Variants in ARHGEF10L observed in about 807,000 individuals in gnomAD.
The protein encoded by ARHGEF10L is rho guanine nucleotide exchange factor 10-like protein.
ARHGEF10L carries 69 observed loss-of-function variants against 141.2 expected under a neutral mutation model. The observed-to-expected ratio is 0.49, with a 90% confidence interval of 0.40 to 0.60. The LOEUF is 0.60. Ranked by LOEUF, ARHGEF10L falls within the 20% of genes least tolerant of loss-of-function variation. The probability of loss-of-function intolerance (pLI) is 0.00; values close to 1 mark genes in which losing one functional copy is unlikely to be tolerated. For synonymous variants in ARHGEF10L, 711 were observed against 718.5 expected (o/e 0.99, Z 0.17); for missense variants, 1,482 against 1,734.3 (o/e 0.85, Z 2.58).
chr1:17,522,852 A>G, the ARHGEF10L span, among the ~76,000 whole-genome samples: 1 of 152,090 alleles, frequency 6.6e-6, no homozygotes, highest in African/African-American at 2.4e-5. Flanking sequence ...TCTCCAGGGC[A>G]GTCATGGGAA....
intron 5 of ARHGEF10L, 77 bp downstream of exon 5, chr1:17,602,295 G>A: frequency 6.8e-7 from 1 of 1,474,354 alleles, no homozygotes; most frequent in Non-Finnish European, 9.2e-7. Context: ...ACCCAAGAGA[G>A]CTGATGTGGG....
At chr1:17,522,927 C>A in the ARHGEF10L span, among the ~76,000 whole-genome samples, 7 of 152,136 alleles carry the variant, frequency 4.6e-5, no homozygotes, top group South Asian at 1.2e-3. Flanking sequence ...CTAATCACAG[C>A]AATATTGACC....
chr1:17,679,236 G>A (rs1181778548), intron 26 of ARHGEF10L, among the ~76,000 whole-genome samples: 3 of 152,172 alleles, frequency 2.0e-5, no homozygotes, highest in Non-Finnish European at 4.4e-5. Flanking sequence ...TGGACTGGTC[G>A]TTGCACCCGG....
intron 1 of ARHGEF10L, among the ~76,000 whole-genome samples, chr1:17,554,983 A>G (rs2077253169): frequency 6.6e-6 from 1 of 152,174 alleles, no homozygotes; most frequent in Non-Finnish European, 1.5e-5. Flanking sequence ...AACAGCAACA[A>G]TAATAAAGGA....
At chr1:17,634,220 C>A in intron 16 of ARHGEF10L, 1 of 476,930 alleles carries the variant, frequency 2.1e-6, no homozygotes, top group South Asian at 2.6e-5. Flanking sequence ...GTTGCTCTAG[C>A]GCAAAGTGCA....
chr1:17,579,898 G>C (rs886158614), intron 1 of ARHGEF10L, among the ~76,000 whole-genome samples: 14 of 152,240 alleles, frequency 9.2e-5, no homozygotes, highest in Non-Finnish European at 2.1e-4. Context: ...GGGGAGGGCG[G>C]TGCCACCTTG....
At chr1:17,533,999 T>C in the ARHGEF10L span, among the ~76,000 whole-genome samples, 13 of 152,186 alleles carry the variant, frequency 8.5e-5, no homozygotes, top group African/African-American at 2.4e-4. Context: ...TCTTGCTATG[T>C]CTCTCAGGCT....
intron 16 of ARHGEF10L, 160 bp from the exon 17 acceptor site, chr1:17,634,388 C>T (rs1427774046): frequency 8.4e-7 from 1 of 1,186,364 alleles, no homozygotes; most frequent in Non-Finnish European, 1.2e-6. Flanking sequence ...CCGCTTCTGT[C>T]CACACCTGGC....
At chr1:17,650,835 G>A (rs1262166243) in intron 22 of ARHGEF10L, among the ~76,000 whole-genome samples, 2 of 152,112 alleles carry the variant, frequency 1.3e-5, no homozygotes, top group African/African-American at 4.8e-5. Flanking sequence ...CGGAGGCCAG[G>A]GCTGTGACTG....
chr1:17,594,571 C>A (rs1300423542), intron 4 of ARHGEF10L, among the ~76,000 whole-genome samples: 1 of 152,114 alleles, frequency 6.6e-6, no homozygotes, highest in Non-Finnish European at 1.5e-5. Flanking sequence ...TCTGCTCTGC[C>A]CCCTGGGTTC....
At chr1:17,596,833 C>G (rs959390296) in intron 4 of ARHGEF10L, among the ~76,000 whole-genome samples, 1 of 152,174 alleles carries the variant, frequency 6.6e-6, no homozygotes, top group Non-Finnish European at 1.5e-5. Context: ...AGGTGGGTCA[C>G]CTGAGGTCAG....
At chr1:17,597,979 T>C (rs754741588) in intron 4 of ARHGEF10L, among the ~76,000 whole-genome samples, 1 of 152,256 alleles carries the variant, frequency 6.6e-6, no homozygotes, top group Non-Finnish European at 1.5e-5. Context: ...AACTGCATTC[T>C]TTCGGTTAAA....
chr1:17,536,775 C>T (rs1256358072), upstream of ARHGEF10L, among the ~76,000 whole-genome samples: 2 of 152,138 alleles, frequency 1.3e-5, no homozygotes, highest in Non-Finnish European at 2.9e-5. Flanking sequence ...TCTAAAGGGC[C>T]ACCACTCCTG....
chr1:17,561,894 A>G (rs1237453122), intron 1 of ARHGEF10L, among the ~76,000 whole-genome samples: 5 of 152,158 alleles, frequency 3.3e-5, no homozygotes, highest in Admixed American at 3.3e-4. Context: ...CAGCTGCTCA[A>G]TCGGGAAGGT....
rs750266739 is a variant in ARHGEF10L at position 17,656,735 on chromosome 1, G to A, written c.2860+27G>A. ...TGAGGACTGGGGGGAATGGGGGAAG[G>A]GGGGCAGTCCTGGATGCCAGCTGGG... On this transcript the variant is annotated intron_variant, in intron 25 of 28. Transcript: ENST00000361221. The surrounding 1 kb of genome is among the most constrained non-coding windows in gnomAD (Gnocchi z 4.9). 7 of 1,601,958 alleles carry A rather than the reference G, an allele frequency of 4.4e-6. No homozygotes were observed. The Admixed American group carries it at 1.2e-4, about 27-fold the overall frequency.
At chr1:17,663,368 A>G (rs541142366) in intron 25 of ARHGEF10L, among the ~76,000 whole-genome samples, 9 of 152,228 alleles carry the variant, frequency 5.9e-5, no homozygotes, top group African/African-American at 2.2e-4. Context: ...CCTGGCCAAC[A>G]TGGCAAAACC....
intron 4 of ARHGEF10L, 130 bp from the exon 5 acceptor site, chr1:17,601,997 T>C: frequency 1.3e-6 from 1 of 764,372 alleles, no homozygotes. Context: ...CAACTCCACC[T>C]CAGGTCTCCC....
rs144967204 is a variant in ARHGEF10L at position 17,605,143 on chromosome 1, G to A, written c.433+1552G>A. On this transcript the variant is annotated intron_variant, in intron 6 of 28. Coordinates refer to ENST00000361221, the MANE Select transcript of ARHGEF10L (RefSeq NM_018125.4). Reference sequence around the variant, plus strand: ...TGTTGTTGTTAGTGTTATGCCTGCCGAGGGTCCCAGCACTGGCCTGCCTGG... The same window carrying A: ...TGTTGTTGTTAGTGTTATGCCTGCCAAGGGTCCCAGCACTGGCCTGCCTGG... Among the ~76,000 whole-genome samples the A allele has an allele frequency of 2.4e-3, 363 of 152,312 alleles. 4 individuals are homozygous for A. Among genetic ancestry groups the A allele is most frequent in the South Asian group, 0.021 (99 of 4,828 alleles).
chr1:17,557,877 A>G (rs1036406823), intron 1 of ARHGEF10L, among the ~76,000 whole-genome samples: 2 of 152,186 alleles, frequency 1.3e-5, no homozygotes, highest in African/African-American at 4.8e-5. Context: ...GGGTCAGACT[A>G]AATACTTGGG....
Sources: gnomAD v4.1 joint callset for allele counts (sites outside exome capture counted in the v4.1 genomes callset) on GRCh38, gnomAD v4.1.1 for gene constraint, Gnocchi (gnomAD v3.1) non-coding constraint, MANE v1.5 for transcripts, NCBI Gene and HGNC (gene_info 2026-07-23, HGNC 2026-07-21) for gene names.